Variants in ADCY10 observed in about 807,000 individuals in gnomAD.
ADCY10 encodes the protein adenylate cyclase 10.
Under a neutral mutation model 183.3 loss-of-function variants are expected in ADCY10, and 156 were observed. The observed-to-expected ratio is 0.85, with a 90% CI of 0.75 to 0.97. The LOEUF (loss-of-function observed/expected upper bound fraction) is 0.97. Among genes scored for constraint, ADCY10 ranks in the 50% least tolerant of loss-of-function variants. The probability of loss-of-function intolerance (pLI) is 0.00; values close to 1 mark genes in which losing one functional copy is unlikely to be tolerated. For missense variants in ADCY10, 1,745 were observed against 1,934.3 expected (o/e 0.90, Z 1.84); for synonymous variants, 645 against 670.0 (o/e 0.96, Z 0.58).
At chr1:167,868,804 A>G (rs1666881162) in intron 14 of ADCY10, among the ~76,000 whole-genome samples, 1 of 152,246 alleles carries the variant, frequency 6.6e-6, no homozygotes, top group Non-Finnish European at 1.5e-5. Context: ...TAGGCCTGCC[A>G]CTTAGACACA....
chr1:167,881,039 TC>T (rs1221395388), intron 9 of ADCY10, among the ~76,000 whole-genome samples: 2 of 152,192 alleles, frequency 1.3e-5, no homozygotes, highest in African/African-American at 4.8e-5. Flanking sequence ...TCTAGGAACT[TC>T]CGTTTATCTC....
At chr1:167,818,700 G>T (rs1662681930) in intron 30 of ADCY10, among the ~76,000 whole-genome samples, 1 of 152,114 alleles carries the variant, frequency 6.6e-6, no homozygotes, top group Non-Finnish European at 1.5e-5. Flanking sequence ...ACCACGCCCA[G>T]CTAATTTTTT....
At chr1:167,855,649 G>GT (rs1164295848) in intron 17 of ADCY10, among the ~76,000 whole-genome samples, 1 of 152,194 alleles carries the variant, frequency 6.6e-6, no homozygotes, top group Non-Finnish European at 1.5e-5. Context: ...TTAAGAAGGC[G>GT]TAACAGGGAG....
chr1:167,810,662 G>T, intron 32 of ADCY10, 63 bp downstream of exon 32: 1 of 1,519,990 alleles, frequency 6.6e-7, no homozygotes, highest in Non-Finnish European at 9.1e-7. Context: ...CAGGCAGTAG[G>T]CTTCTGGGCT....
At chr1:167,887,777 C>T (rs1449994876) in intron 8 of ADCY10, among the ~76,000 whole-genome samples, 1 of 149,912 alleles carries the variant, frequency 6.7e-6, no homozygotes, top group East Asian at 1.9e-4. Context: ...TAAAATAATT[C>T]TAAAAAAAAA....
chr1:167,873,244 C>G (rs1667230304), intron 13 of ADCY10, among the ~76,000 whole-genome samples: 1 of 152,074 alleles, frequency 6.6e-6, no homozygotes, highest in African/African-American at 2.4e-5. Flanking sequence ...TTCCTTCTCT[C>G]TAGCTTCAGG....
chr1:167,850,063 A>T (rs3767452), intron 18 of ADCY10, among the ~76,000 whole-genome samples: 6,680 of 152,182 alleles, frequency 0.044, 333 homozygotes, highest in East Asian at 0.25. Context: ...TGAAGAGGAG[A>T]TAGTAGTAAT....
In ADCY10 at chr1:167,880,503, A is replaced by G; in HGVS notation, c.1127T>C (p.Val376Ala). 1.2e-6 allele frequency: 2 copies of G among 1,613,544 alleles called. No homozygotes were observed. Among genetic ancestry groups the G allele is most frequent in the African/African-American group, 1.3e-5 (1 of 75,036 alleles). The change falls in exon 10 of 33, where the codon GTC becomes GCC. Residue 376 changes from valine to alanine, a missense_variant. Coordinates refer to ENST00000367851, the MANE Select transcript of ADCY10 (RefSeq NM_018417.6). ...AMDIFDFCSQ[V>A]HKIQTVSIGV... Reference sequence around the variant, plus strand: ...GGTCAATACTCACTGGATTTTGTGGACTTGAGAGCAGAAGTCAAATATATC... The same window carrying G: ...GGTCAATACTCACTGGATTTTGTGGGCTTGAGAGCAGAAGTCAAATATATC...
At chr1:167,869,824 C>G (rs569463645) in intron 14 of ADCY10, among the ~76,000 whole-genome samples, 1 of 151,856 alleles carries the variant, frequency 6.6e-6, no homozygotes, top group East Asian at 1.9e-4. Flanking sequence ...GCTAGCCTGC[C>G]GATTCTCCCA....
At chr1:167,872,690 G>A (rs1196415036) in intron 13 of ADCY10, among the ~76,000 whole-genome samples, 1 of 150,888 alleles carries the variant, frequency 6.6e-6, no homozygotes, top group Non-Finnish European at 1.5e-5. Flanking sequence ...TCTGTGTTTG[G>A]TTATAGCTTG....
chr1:167,855,073 C>T (rs559668996), intron 17 of ADCY10, among the ~76,000 whole-genome samples: 1 of 152,326 alleles, frequency 6.6e-6, no homozygotes, highest in South Asian at 2.1e-4. Context: ...GTAATCCCAG[C>T]ACTTTGGGAG....
intron 5 of ADCY10, among the ~76,000 whole-genome samples, chr1:167,899,939 G>A (rs1669277130): frequency 2.0e-5 from 3 of 152,134 alleles, no homozygotes; most frequent in Admixed American, 6.5e-5. Context: ...AAGGGCAACA[G>A]GGAATACCTT....
At chr1:167,846,357 C>G (rs1665029455) in intron 19 of ADCY10, 94 bp from the exon 20 acceptor site, 2 of 1,485,536 alleles carry the variant, frequency 1.3e-6, no homozygotes, top group African/African-American at 1.4e-5. Context: ...CCATCCTGCT[C>G]TACAGTTCTT....
In ADCY10 at chr1:167,818,787, C is replaced by T. The variant is rs544871034; in HGVS notation, c.4287-520G>A. 2.8e-4 allele frequency among the ~76,000 whole-genome samples: 43 copies of T among 152,326 alleles called. 1 individual carries two copies. In the South Asian group the frequency reaches 8.7e-3, roughly 31 times the overall value. ...CTCCTGACCTCAGGTGATCCACCCG[C>T]CTTGGCCTCCCAAAGTGCTGGGATT... On this transcript the variant is annotated intron_variant, in intron 30 of 32. Transcript: ENST00000367851.
chr1:167,819,986 A>G (rs1295433180), intron 30 of ADCY10: 39 of 1,501,374 alleles, frequency 2.6e-5, no homozygotes, highest in Non-Finnish European at 3.6e-5. Context: ...GCCACTAACA[A>G]AGTGGATGAC....
rs1463078152 is a variant in ADCY10, at chr1:167,883,426, T to C, written c.1020+11A>G. On this transcript the variant is annotated intron_variant, in intron 9 of 32. Transcript: ENST00000367851. ...CTATTGGTAGGTTCCCATCCCATAGTTCACACTTACCTTGTCAAACATGAA... is the reference window on the plus strand; with the variant it reads ...CTATTGGTAGGTTCCCATCCCATAGCTCACACTTACCTTGTCAAACATGAA... 6.2e-7 allele frequency: 1 copy of C among 1,614,142 alleles called. No individual in the cohort carries two copies. Among genetic ancestry groups the C allele is most frequent in the Admixed American group, 1.7e-5 (1 of 60,022 alleles).
intron 18 of ADCY10, among the ~76,000 whole-genome samples, chr1:167,853,506 A>G (rs1398422421): frequency 6.6e-6 from 1 of 152,168 alleles, no homozygotes; most frequent in African/African-American, 2.4e-5. Context: ...ACACCAAGGG[A>G]GTGGAAACAA....
At position 167,903,984 on chromosome 1, in the gene ADCY10, A is replaced by T; in HGVS notation, c.156T>A (p.Thr52=). 6.2e-7 allele frequency: 1 copy of T among 1,612,032 alleles called. No individual in the cohort carries two copies. The highest frequency in any genetic ancestry group is 8.5e-7 in the Non-Finnish European group (1 of 1,178,432). The change falls in exon 3 of 33, where the codon ACT becomes ACA. Residue 52 remains threonine, a synonymous_variant. Transcript: ENST00000367851. ...VLMFVDISGF[T]AMTEKFSSAM... is the part of the protein sequence containing the mutation. ...CACTGCTGAACTTCTCAGTCATTGC[A>T]GTAAAACCTGGAATAAATGTGCAGC...
chr1:167,869,604 G>A (rs546248872), intron 14 of ADCY10, among the ~76,000 whole-genome samples: 1 of 152,252 alleles, frequency 6.6e-6, no homozygotes, highest in South Asian at 2.1e-4. Context: ...AGCAACTGTT[G>A]TTATCTATAG....
Sources: gnomAD v4.1 joint callset for allele counts (sites outside exome capture counted in the v4.1 genomes callset) on GRCh38, gnomAD v4.1.1 for gene constraint, MANE v1.5 for transcripts, NCBI Gene and HGNC (gene_info 2026-07-23, HGNC 2026-07-21) for gene names.